COL13A1: variants seen among roughly 807,000 people sequenced by gnomAD.
COL13A1 encodes collagen type XIII alpha 1 chain.
Under a neutral mutation model 130.9 loss-of-function variants are expected in COL13A1, and 89 were observed. The ratio of observed to expected loss-of-function variants is 0.68; its 90% CI spans 0.57 to 0.81. COL13A1 has a LOEUF of 0.81. Among genes scored for constraint, COL13A1 ranks in the 30% least tolerant of loss-of-function variants. The pLI is 0.00. For synonymous variants in COL13A1, 402 were observed against 341.6 expected (o/e 1.18, Z -1.95); for missense variants, 879 against 934.6 (o/e 0.94, Z 0.78).
chr10:69,845,470 G>A (rs1852768817), intron 2 of COL13A1, among the ~76,000 whole-genome samples: 1 of 152,036 alleles, frequency 6.6e-6, no homozygotes, highest in Admixed American at 6.6e-5. Context: ...TGGGATTACA[G>A]GTGTGAGCCA....
chr10:69,943,351 C>A (rs1039872633), intron 35 of COL13A1, among the ~76,000 whole-genome samples: 7 of 152,308 alleles, frequency 4.6e-5, no homozygotes, highest in Non-Finnish European at 5.9e-5. Flanking sequence ...CTGAGGCCAA[C>A]AACAGGAGAC....
At chr10:69,845,497 C>T (rs1852778785) in intron 2 of COL13A1, among the ~76,000 whole-genome samples, 1 of 152,018 alleles carries the variant, frequency 6.6e-6, no homozygotes, top group Non-Finnish European at 1.5e-5. Flanking sequence ...CAGCCCTCTT[C>T]CTCTTTTCTT....
At chr10:69,936,145 GA>G (rs1162479863) in intron 32 of COL13A1, among the ~76,000 whole-genome samples, 1 of 4,176 alleles carries the variant, frequency 2.4e-4, no homozygotes, top group African/African-American at 2.8e-4. Flanking sequence ...AGGAAGGAAG[GA>G]AGGAAGGAAG....
At chr10:69,843,096 T>C (rs1285756729) in intron 2 of COL13A1, among the ~76,000 whole-genome samples, 1 of 152,048 alleles carries the variant, frequency 6.6e-6, no homozygotes, top group Non-Finnish European at 1.5e-5. Flanking sequence ...GTGGGGGTTA[T>C]CTCTTCCAGC....
chr10:69,827,021 T>C (rs1370199727), intron 2 of COL13A1, among the ~76,000 whole-genome samples: 1 of 152,228 alleles, frequency 6.6e-6, no homozygotes, highest in Non-Finnish European at 1.5e-5. Flanking sequence ...GGCAGTATTT[T>C]TCATGGGTGG....
intron 2 of COL13A1, among the ~76,000 whole-genome samples, chr10:69,867,575 TG>T (rs2058650167): frequency 1.3e-5 from 2 of 152,220 alleles, no homozygotes; most frequent in South Asian, 4.1e-4. Context: ...GGGCTGAGCC[TG>T]GGGCCTAGAC....
At chr10:69,922,402 A>G (rs952541218) in intron 22 of COL13A1, among the ~76,000 whole-genome samples, 2 of 152,196 alleles carry the variant, frequency 1.3e-5, no homozygotes, top group African/African-American at 2.4e-5. Flanking sequence ...TTTGGCCACC[A>G]ATAATAATGT....
At chr10:69,876,507 G>A (rs1196899488) in intron 5 of COL13A1, among the ~76,000 whole-genome samples, 3 of 152,158 alleles carry the variant, frequency 2.0e-5, no homozygotes, top group Non-Finnish European at 4.4e-5. Flanking sequence ...ATGCAGGCTG[G>A]GAGCCCTGGG....
At chr10:69,876,043 A>T (rs2059538953) in intron 5 of COL13A1, among the ~76,000 whole-genome samples, 1 of 152,230 alleles carries the variant, frequency 6.6e-6, no homozygotes. Context: ...GCCTGGTGTG[A>T]GTCTGCCGGT....
intron 2 of COL13A1, among the ~76,000 whole-genome samples, chr10:69,840,815 T>A (rs1851392596): frequency 6.6e-6 from 1 of 152,142 alleles, no homozygotes; most frequent in Admixed American, 6.5e-5. Flanking sequence ...GGAGGAAAAC[T>A]GGTCTCTTGA....
intron 7 of COL13A1, among the ~76,000 whole-genome samples, chr10:69,884,621 G>A (rs2060445446): frequency 6.6e-6 from 1 of 152,190 alleles, no homozygotes; most frequent in African/African-American, 2.4e-5. Flanking sequence ...CTTGAATTAA[G>A]GGAGAAGATT....
chr10:69,897,630 C>G (rs548716014), intron 13 of COL13A1: 6 of 1,346,502 alleles, frequency 4.5e-6, no homozygotes, highest in Admixed American at 1.9e-5. Context: ...GCAGTGGGAG[C>G]GGGTGGAGCT....
At chr10:69,822,506 G>T in intron 2 of COL13A1, 68 bp downstream of exon 2, 2 of 1,256,074 alleles carry the variant, frequency 1.6e-6, no homozygotes, top group African/African-American at 3.1e-5. Context: ...CTTCCTGGTG[G>T]CCATGCTCTA....
At position 69,892,314 on chromosome 10, in the gene COL13A1, C is replaced by T. The variant is rs150339166; in HGVS notation, c.604-2238C>T. Among the ~76,000 whole-genome samples, 1,015 of 152,306 alleles carry T rather than the reference C, an allele frequency of 6.7e-3. 11 individuals are homozygous for T. The highest frequency in any genetic ancestry group is 0.023 in the African/African-American group (956 of 41,564). On this transcript the variant is annotated intron_variant, in intron 10 of 40. Transcript: ENST00000645393. ...CACTGGCGTCCCACTGGGGCACTGG[C>T]ACTCACCCTCATTGTTTAACCTGTG...
chr10:69,816,696 G>T (rs1844612084), intron 1 of COL13A1, among the ~76,000 whole-genome samples: 1 of 152,124 alleles, frequency 6.6e-6, no homozygotes. Flanking sequence ...TGTCCTGGGA[G>T]CCAAGGGCAG....
chr10:69,875,386 G>T (rs1228607302), intron 5 of COL13A1, among the ~76,000 whole-genome samples: 1 of 152,218 alleles, frequency 6.6e-6, no homozygotes, highest in Non-Finnish European at 1.5e-5. Flanking sequence ...TCTCCAGAGA[G>T]CTGCCACAGC....
chr10:69,956,895 A>C, intron 39 of COL13A1, 109 bp from the exon 40 acceptor site: 1 of 809,606 alleles, frequency 1.2e-6, no homozygotes, highest in Admixed American at 1.9e-5. Context: ...TGGGTGGGCC[A>C]CATCCTGATC....
chr10:69,874,006 C>T (rs925515838), intron 4 of COL13A1, among the ~76,000 whole-genome samples: 3 of 152,220 alleles, frequency 2.0e-5, no homozygotes, highest in Non-Finnish European at 2.9e-5. Flanking sequence ...GAGAAAGAAG[C>T]TCTTATCACC....
At chr10:69,932,492 G>A (rs1194466064) in intron 30 of COL13A1, 68 bp from the exon 31 acceptor site, 1 of 1,119,400 alleles carries the variant, frequency 8.9e-7, no homozygotes, top group Non-Finnish European at 1.4e-6. Flanking sequence ...TGTCACAGAT[G>A]TGAGGGTGCG....
Sources: allele counts gnomAD v4.1 joint callset (sites outside exome capture counted in the v4.1 genomes callset), GRCh38; gene constraint gnomAD v4.1.1; transcripts MANE v1.5; gene names NCBI Gene and HGNC (gene_info 2026-07-23, HGNC 2026-07-21).